Variants in DMD observed in about 807,000 individuals in gnomAD.
The protein encoded by DMD is mutant dystrophin.
Under a neutral mutation model 330.1 loss-of-function variants are expected in DMD, and 63 were observed. That is an observed-to-expected ratio of 0.19 (90% confidence interval 0.16 to 0.24). DMD has a LOEUF of 0.24. Among genes scored for constraint, DMD ranks in the 10% least tolerant of loss-of-function variants. The pLI is 1.00. For synonymous variants in DMD, 1,223 were observed against 959.8 expected (o/e 1.27, Z -5.07); for missense variants, 3,344 against 2,684.1 (o/e 1.25, Z -5.43).
intron 64 of DMD, among the ~76,000 whole-genome samples, chrX:31,218,431 T>A (rs2148664498): frequency 9.0e-6 from 1 of 111,132 alleles, no homozygotes; most frequent in Non-Finnish European, 1.9e-5. Context: ...TTCAGCCCCC[T>A]GACTCGATCC....
At chrX:32,092,910 T>C (rs1009230605) in intron 44 of DMD, among the ~76,000 whole-genome samples, 8 of 109,583 alleles carry the variant, frequency 7.3e-5, no homozygotes, top group African/African-American at 2.6e-4. Flanking sequence ...TACTATATTT[T>C]AGCTGTTTTA....
chrX:31,159,915 C>T (rs1256300997), intron 74 of DMD, among the ~76,000 whole-genome samples: 1 of 112,314 alleles, frequency 8.9e-6, no homozygotes, highest in Non-Finnish European at 1.9e-5. Context: ...ATACCTTAAT[C>T]TTACTTTGAG....
Position 31,224,558 on chromosome X carries a change from G to A in DMD, c.9287-1437C>T, listed in dbSNP as rs1032218953. 1.9e-4 allele frequency among the ~76,000 whole-genome samples: 21 copies of A among 112,002 alleles called. 1 individual carries two copies. Among genetic ancestry groups the A allele is most frequent in the Non-Finnish European group, 5.6e-5 (3 of 53,259 alleles). ...CAGACACTGCTTGTTGGGAATGTACGACAACTTTGGGAAACCAGTTAGGCA... is the reference window on the plus strand; with the variant it reads ...CAGACACTGCTTGTTGGGAATGTACAACAACTTTGGGAAACCAGTTAGGCA... On this transcript the variant is annotated intron_variant, in intron 63 of 78. Coordinates refer to ENST00000357033, the MANE Select transcript of DMD (RefSeq NM_004006.3).
Position 32,529,070 on chromosome X carries a change from T to C in DMD, c.2169-10939A>G, listed in dbSNP as rs1015484397. ...CCGAGTAGCTGGGACTACAGGCGCCTGCCGCCACGTCTGGCTAATTTTTTT... is the reference window on the plus strand; with the variant it reads ...CCGAGTAGCTGGGACTACAGGCGCCCGCCGCCACGTCTGGCTAATTTTTTT... On this transcript the variant is annotated intron_variant, in intron 17 of 78. Coordinates refer to ENST00000357033, the MANE Select transcript of DMD (RefSeq NM_004006.3). Among the ~76,000 whole-genome samples, 165 of 106,683 alleles carry C rather than the reference T, an allele frequency of 1.5e-3. 1 individual carries two copies. Among genetic ancestry groups the C allele is most frequent in the Non-Finnish European group, 3.0e-3 (154 of 51,854 alleles). The allele number at this position is 106,683 out of a possible 115,157, so 92.6% of individuals were successfully genotyped here. A position where few individuals can be genotyped will look rare whatever the true frequency, so the allele number is the denominator to read the frequency against.
intron 2 of DMD, among the ~76,000 whole-genome samples, chrX:32,865,108 C>CCA (rs1434278221): frequency 9.0e-6 from 1 of 111,398 alleles, no homozygotes; most frequent in Non-Finnish European, 1.9e-5. Context: ...AATTACATAG[C>CCA]ACTTGGCTTA....
chrX:33,141,204 G>A (rs979746254), intron 1 of DMD, among the ~76,000 whole-genome samples: 2 of 111,365 alleles, frequency 1.8e-5, no homozygotes, highest in Non-Finnish European at 3.8e-5. Context: ...GAACCCATGC[G>A]TCTGATAACT....
intron 43 of DMD, among the ~76,000 whole-genome samples, chrX:32,283,100 C>T (rs2097426477): frequency 9.0e-6 from 1 of 111,563 alleles, no homozygotes; most frequent in African/African-American, 3.3e-5. Context: ...GTCATGAAAA[C>T]ATGTCACTGA....
intron 66 of DMD, among the ~76,000 whole-genome samples, chrX:31,204,911 T>G (rs147717897): frequency 0.021 from 2,347 of 111,935 alleles, 22 homozygotes; most frequent in Middle Eastern, 0.041. Context: ...TGTGAGCTAC[T>G]GCGCCTGGCT....
intron 1 of DMD, among the ~76,000 whole-genome samples, chrX:33,048,718 A>G (rs1206355020): frequency 1.9e-5 from 2 of 102,856 alleles, no homozygotes; most frequent in Non-Finnish European, 4.0e-5. Context: ...AAAAAAAAAA[A>G]GGAGAGAGAG....
chrX:32,367,817 C>T (rs771654288), intron 34 of DMD, among the ~76,000 whole-genome samples: 2 of 111,929 alleles, frequency 1.8e-5, no homozygotes, highest in South Asian at 3.7e-4. Flanking sequence ...CAATTTATCA[C>T]CATTATCAAC....
At chrX:31,367,299 A>G (rs1225460196) in intron 60 of DMD, among the ~76,000 whole-genome samples, 1 of 110,485 alleles carries the variant, frequency 9.1e-6, no homozygotes, top group Non-Finnish European at 1.9e-5. Flanking sequence ...CTTTTTTTTC[A>G]TTTATATTGT....
intron 47 of DMD, among the ~76,000 whole-genome samples, chrX:31,914,025 T>C (rs2094578508): frequency 8.9e-6 from 1 of 112,510 alleles, no homozygotes; most frequent in Non-Finnish European, 1.9e-5. Flanking sequence ...ACTAAGCAAT[T>C]ATTACTTTGA....
intron 9 of DMD, among the ~76,000 whole-genome samples, chrX:32,674,178 T>C (rs538247210): frequency 8.9e-6 from 1 of 112,045 alleles, no homozygotes; most frequent in African/African-American, 3.2e-5. Context: ...TGGTTTCTTT[T>C]ATAAATTTAG....
Position 33,173,535 on chromosome X carries a change from A to G in DMD, c.31+37747T>C, listed in dbSNP as rs187634244. On this transcript the variant is annotated intron_variant, in intron 1 of 78. Coordinates refer to ENST00000357033, the MANE Select transcript of DMD (RefSeq NM_004006.3). ...GTTTAAAGTGTCTTCTCAGTGGCAG[A>G]TTCAGTGTATTCATTACTTTTGCTT... Among the ~76,000 whole-genome samples, 550 of 111,262 alleles carry G rather than the reference A, an allele frequency of 4.9e-3. 1 individual carries two copies. The highest frequency in any genetic ancestry group is 7.7e-3 in the Non-Finnish European group (405 of 52,924).
At chrX:32,333,766 T>C (rs1411344599) in intron 41 of DMD, among the ~76,000 whole-genome samples, 1 of 109,909 alleles carries the variant, frequency 9.1e-6, no homozygotes. Flanking sequence ...TAAGGAGGGG[T>C]TTTATTTTCA....
At chrX:32,249,929 C>G (rs991353743) in intron 43 of DMD, among the ~76,000 whole-genome samples, 1 of 111,198 alleles carries the variant, frequency 9.0e-6, no homozygotes, top group African/African-American at 3.3e-5. Flanking sequence ...AACCCTAGAA[C>G]CATACCATAC....
intron 1 of DMD, among the ~76,000 whole-genome samples, chrX:33,336,984 C>T (rs2054264059): frequency 9.0e-6 from 1 of 111,358 alleles, no homozygotes; most frequent in Non-Finnish European, 1.9e-5. Flanking sequence ...ACAGCTGGTG[C>T]CACCTAGCGT....
intron 15 of DMD, among the ~76,000 whole-genome samples, chrX:32,570,760 T>C (rs1163832907): frequency 9.0e-6 from 1 of 111,689 alleles, no homozygotes; most frequent in Non-Finnish European, 1.9e-5. Context: ...GAACTTTACA[T>C]GTGTAATGAG....
At chrX:32,296,130 G>A (rs756655834) in intron 42 of DMD, among the ~76,000 whole-genome samples, 95 of 112,128 alleles carry the variant, frequency 8.5e-4, no homozygotes, top group Non-Finnish European at 1.2e-3. Context: ...GGTGGCTCAC[G>A]CCTGTAATCC....
Sources: allele counts gnomAD v4.1 joint callset (sites outside exome capture counted in the v4.1 genomes callset), GRCh38; gene constraint gnomAD v4.1.1; transcripts MANE v1.5; gene names NCBI Gene and HGNC (gene_info 2026-07-23, HGNC 2026-07-21).